LRPPRC: variants seen among roughly 807,000 people sequenced by gnomAD.
LRPPRC encodes leucine rich pentatricopeptide repeat containing, also known as leucine-rich PPR motif-containing protein, mitochondrial.
LRPPRC carries 120 observed loss-of-function variants against 180.3 expected under a neutral mutation model. The ratio of observed to expected loss-of-function variants is 0.67; its 90% CI spans 0.57 to 0.77. The LOEUF is 0.77. Ranked by LOEUF, LRPPRC falls within the 30% of genes least tolerant of loss-of-function variation. LRPPRC has a pLI of 0.00. For synonymous variants in LRPPRC, 723 were observed against 600.0 expected, an observed-to-expected ratio of 1.21 and a Z score of -3.00; for missense variants, 2,012 against 1,657.2, an observed-to-expected ratio of 1.21 and a Z score of -3.72.
chr2:43,929,212 T>C (rs1671995473), intron 25 of LRPPRC, among the ~76,000 whole-genome samples: 4 of 152,204 alleles, frequency 2.6e-5, no homozygotes, highest in African/African-American at 9.6e-5. Flanking sequence ...ACAACTTTAC[T>C]TCTTAGAAGC....
intron 2 of LRPPRC, among the ~76,000 whole-genome samples, chr2:43,981,252 C>T (rs942763387): frequency 4.7e-5 from 7 of 148,388 alleles, no homozygotes; most frequent in African/African-American, 1.9e-4. Context: ...TTACAGAAAC[C>T]TGACACTCTA....
At chr2:43,900,939 A>G (rs891104573) in intron 32 of LRPPRC, among the ~76,000 whole-genome samples, 2 of 152,150 alleles carry the variant, frequency 1.3e-5, no homozygotes, top group African/African-American at 4.8e-5. Context: ...CATTTTTAAT[A>G]AGCTTGCGGG....
chr2:43,974,270 TA>T lies in LRPPRC; in HGVS notation c.1034del (p.Leu345Ter). 6.2e-7 allele frequency: 1 copy of T among 1,611,744 alleles called. No individual in the cohort carries two copies. The highest frequency in any genetic ancestry group is 8.5e-7 in the Non-Finnish European group (1 of 1,177,816). ...CTACATCTTCCAATTTTTCAGTGACTAAAAGTAAAATGAGGTTCATTGCATC... is the reference window on the plus strand; with the variant it reads ...CTACATCTTCCAATTTTTCAGTGACTAAAGTAAAATGAGGTTCATTGCATC... ...IPDAMNLILL[L>X]VTEKLEDVAL... is the part of the protein sequence containing the mutation. On this transcript the variant is annotated frameshift_variant, in exon 9 of 38. Transcript: ENST00000260665. LOFTEE classifies it high-confidence loss of function.
At chr2:43,929,163 C>T (rs1357902022) in intron 25 of LRPPRC, among the ~76,000 whole-genome samples, 1 of 152,136 alleles carries the variant, frequency 6.6e-6, no homozygotes, top group South Asian at 2.1e-4. Context: ...CCTCAATCTA[C>T]AGTACATAAC....
At position 43,963,582 on chromosome 2, in the gene LRPPRC, A is replaced by C. The variant is rs1275650049; in HGVS notation, c.1488+6T>G. ...ATTATTAAATTAAAACCACACTTGT[A>C]CTCACCTGCAAAATGGCTCGTGCTG... is the stretch of plus-strand genomic sequence containing the variant. On this transcript the variant is annotated splice_donor_region_variant and intron_variant, in intron 12 of 37. Transcript: ENST00000260665. 6.7e-7 allele frequency: 1 copy of C among 1,485,350 alleles called. No homozygotes were observed. Among genetic ancestry groups the C allele is most frequent in the East Asian group, 2.3e-5 (1 of 44,238 alleles). The allele number at this position is 1,485,350 out of a possible 1,614,324, so 92.0% of individuals were successfully genotyped here. A position where few individuals can be genotyped will look rare whatever the true frequency, so the allele number is the denominator to read the frequency against.
At chr2:43,914,174 CTTG>C (rs1378040110) in intron 29 of LRPPRC, among the ~76,000 whole-genome samples, 1 of 152,024 alleles carries the variant, frequency 6.6e-6, no homozygotes, top group Admixed American at 6.6e-5. Context: ...TTTGGAAACT[CTTG>C]TTGTTTTCTA....
intron 1 of LRPPRC, 111 bp downstream of exon 1, chr2:43,995,688 G>C (rs933958890): frequency 9.3e-7 from 1 of 1,078,806 alleles, no homozygotes; most frequent in Non-Finnish European, 1.2e-6. Context: ...CTAGGTCCTG[G>C]GGCGGGGAGA....
chr2:43,920,222 G>A (rs1050147805), intron 27 of LRPPRC, among the ~76,000 whole-genome samples: 10 of 151,666 alleles, frequency 6.6e-5, no homozygotes, highest in Non-Finnish European at 1.0e-4. Context: ...TGTAACCTCC[G>A]CCTCCAGGGT....
chr2:43,911,666 A>G (rs1223258296), intron 30 of LRPPRC, among the ~76,000 whole-genome samples: 2 of 151,514 alleles, frequency 1.3e-5, no homozygotes, highest in African/African-American at 4.9e-5. Flanking sequence ...AGCTGGGATT[A>G]CAGGCACATG....
chr2:43,890,141 A>C, intron 36 of LRPPRC: 1 of 496,358 alleles, frequency 2.0e-6, no homozygotes, highest in Non-Finnish European at 3.8e-6. Flanking sequence ...GATACCATTC[A>C]CTTAGGTTAT....
chr2:43,952,028 T>G (rs1456578229), intron 14 of LRPPRC, among the ~76,000 whole-genome samples: 1 of 152,064 alleles, frequency 6.6e-6, no homozygotes, highest in Non-Finnish European at 1.5e-5. Context: ...ACCCCATCTC[T>G]ACTAAAAATA....
intron 11 of LRPPRC, among the ~76,000 whole-genome samples, chr2:43,971,535 GA>G (rs1228722217): frequency 1.2e-3 from 90 of 72,384 alleles, no homozygotes; most frequent in African/African-American, 3.2e-3. Flanking sequence ...TTTTTTAAAA[GA>G]AAAAAAAAAG....
chr2:43,946,301 AT>A, intron 20 of LRPPRC, 58 bp from the exon 21 acceptor site: 2 of 1,358,180 alleles, frequency 1.5e-6, no homozygotes, highest in South Asian at 1.2e-5. Context: ...AAAATGTCAC[AT>A]TTTTAGCTTT....
intron 6 of LRPPRC, 92 bp downstream of exon 6, chr2:43,976,051 C>A: frequency 1.4e-6 from 1 of 734,330 alleles, no homozygotes; most frequent in South Asian, 1.6e-5. Context: ...CTAATTTAAA[C>A]CCCACTTAAC....
At chr2:43,960,830 A>G (rs1471895043) in intron 12 of LRPPRC, among the ~76,000 whole-genome samples, 196 bp from the exon 13 acceptor site, 2 of 152,236 alleles carry the variant, frequency 1.3e-5, no homozygotes, top group Non-Finnish European at 2.9e-5. Context: ...TTATCTTCAA[A>G]TACAGATGGT....
Position 43,894,608 on chromosome 2 carries a change from A to C in LRPPRC, c.3922T>G (p.Leu1308Val). Reference protein sequence around the residue: ...QGKASTVKSVLELIPELNEKE... With the variant: ...QGKASTVKSVVELIPELNEKE... ...TCATTTAATTCAGGAATCAATTCTA[A>C]CACAGATTTCACAGTTGATGCCTAG... Residue 1308 changes from leucine (L) to valine (V), a missense_variant, in exon 36 of 38, where the codon TTA becomes GTA. Leu to Val is a conservative substitution (Grantham distance 32). Coordinates refer to ENST00000260665, the MANE Select transcript of LRPPRC (RefSeq NM_133259.4). 6.3e-7 allele frequency: 1 copy of C among 1,578,646 alleles called. No homozygotes were observed. Among genetic ancestry groups the C allele is most frequent in the Non-Finnish European group, 8.7e-7 (1 of 1,147,994 alleles).
At chr2:43,932,418 T>A (rs746984018) in intron 25 of LRPPRC, among the ~76,000 whole-genome samples, 1 of 150,894 alleles carries the variant, frequency 6.6e-6, no homozygotes, top group African/African-American at 2.5e-5. Context: ...ATGTTGCTCA[T>A]GACTTGTAGT....
intron 35 of LRPPRC, among the ~76,000 whole-genome samples, chr2:43,895,890 T>A (rs1670661634): frequency 6.6e-6 from 1 of 152,222 alleles, no homozygotes; most frequent in African/African-American, 2.4e-5. Context: ...CAAAGTAGAA[T>A]GTGATATACC....
Position 43,957,418 on chromosome 2 carries a change from G to A in LRPPRC, c.1616C>T (p.Ser539Phe), listed in dbSNP as rs1195355701. 1 of 1,613,480 alleles carries A rather than the reference G, an allele frequency of 6.2e-7. No individual in the cohort carries two copies. The highest frequency in any genetic ancestry group is 8.5e-7 in the Non-Finnish European group (1 of 1,179,472). Reference sequence around the variant, plus strand: ...GCCTAGCAGTAGGCTACTTCTTATAGACTGCAGCGAGATGGGCAATGTATT... The same window carrying A: ...GCCTAGCAGTAGGCTACTTCTTATAAACTGCAGCGAGATGGGCAATGTATT... ...KSNTLPISLQ[S>F]IRSSLLLGFR... Residue 539 changes from serine to phenylalanine, a missense_variant, in exon 14 of 38, where the codon TCT becomes TTT. Transcript: ENST00000260665.
Sources: allele counts gnomAD v4.1 joint callset (sites outside exome capture counted in the v4.1 genomes callset), GRCh38; gene constraint gnomAD v4.1.1; transcripts MANE v1.5; gene names NCBI Gene and HGNC (gene_info 2026-07-23, HGNC 2026-07-21).